The following CUBN variants were observed in gnomAD, a reference collection of about 807,000 sequenced individuals.
CUBN encodes the protein cubilin.
CUBN carries 282 observed loss-of-function variants against 405.3 expected under a neutral mutation model. That is an observed-to-expected ratio of 0.70 (90% CI 0.63 to 0.77). The LOEUF is 0.77. Ranked by LOEUF, CUBN falls within the 30% of genes least tolerant of loss-of-function variation. The pLI is 0.00. For missense variants in CUBN, 4,514 were observed against 4,475.2 expected (o/e 1.01, Z -0.25); for synonymous variants, 1,684 against 1,617.0 (o/e 1.04, Z -0.99).
chr10:16,971,314 T>C (rs1371044507), intron 31 of CUBN, among the ~76,000 whole-genome samples: 6 of 152,236 alleles, frequency 3.9e-5, no homozygotes, highest in African/African-American at 1.4e-4. Context: ...TCCATCTGGC[T>C]GTAAAGATAG....
At chr10:16,855,004 C>T (rs553683937) in intron 59 of CUBN, among the ~76,000 whole-genome samples, 21 of 134,696 alleles carry the variant, frequency 1.6e-4, no homozygotes, top group African/African-American at 5.6e-4. Flanking sequence ...TTCCTTTTTT[C>T]TCTCTCTCTC....
intron 62 of CUBN, among the ~76,000 whole-genome samples, chr10:16,839,266 G>C (rs1387635079): frequency 6.6e-6 from 1 of 152,134 alleles, no homozygotes; most frequent in Non-Finnish European, 1.5e-5. Flanking sequence ...GAGAGCTCTG[G>C]ACCTGCAGGA....
intron 48 of CUBN, among the ~76,000 whole-genome samples, chr10:16,911,949 G>A (rs1278516964): frequency 6.6e-6 from 1 of 152,126 alleles, no homozygotes; most frequent in Non-Finnish European, 1.5e-5. Context: ...AAGAAGAGAT[G>A]AGAAAATGAA....
At chr10:17,058,745 T>C (rs879085417) in intron 22 of CUBN, among the ~76,000 whole-genome samples, 3 of 152,112 alleles carry the variant, frequency 2.0e-5, no homozygotes, top group Admixed American at 2.0e-4. Flanking sequence ...ATAGTAATAC[T>C]GAAAAATATC....
Position 17,065,636 on chromosome 10 carries a change from T to C in CUBN, c.3011A>G (p.Tyr1004Cys). The C allele has an allele frequency of 1.9e-6, 3 of 1,613,362 alleles. No homozygotes were observed. The highest frequency in any genetic ancestry group is 1.1e-5 in the South Asian group (1 of 91,080). Residue 1004 changes from tyrosine to cysteine, a missense_variant and splice_region_variant, in exon 22 of 67, where the codon TAC becomes TGC. Tyr to Cys is a radical substitution (Grantham distance 194). Transcript: ENST00000377833. The part of the protein sequence containing the change: ...DTDSETSLGR[Y>C]CGKSIPPSLT... ...AGATGGCGGGATCGACTTTCCACAG[T>C]ATCTATTCCAAACCAAGAAAGGACA...
At chr10:17,033,092 T>C (rs1834819442) in intron 27 of CUBN, among the ~76,000 whole-genome samples, 1 of 152,164 alleles carries the variant, frequency 6.6e-6, no homozygotes, top group Admixed American at 6.5e-5. Flanking sequence ...GTGATTGTTT[T>C]AAAAGTGCAG....
intron 33 of CUBN, among the ~76,000 whole-genome samples, chr10:16,951,415 G>C (rs953561753): frequency 1.3e-5 from 2 of 152,218 alleles, no homozygotes; most frequent in Non-Finnish European, 2.9e-5. Flanking sequence ...ATTAGCTTAA[G>C]TGACTTCCCT....
rs772686889 is a variant in CUBN, at chr10:16,954,511, G to A, written c.4733C>T (p.Ala1578Val). The A allele has an allele frequency of 2.5e-6, 4 of 1,613,726 alleles. No individual in the cohort carries two copies. The Admixed American group carries it at 5.0e-5, about 20-fold the overall frequency. The change falls in exon 32 of 67, where the codon GCC (alanine) becomes GTC (valine). Residue 1578 changes from alanine (A) to valine (V), a missense_variant. This residue lies in a region of CUBN where 1,613 missense variants were observed against 1,542.8 expected (regional missense o/e 1.05). Coordinates refer to ENST00000377833, the MANE Select transcript of CUBN (RefSeq NM_001081.4). ...DGLSSTMSRL[A>V]RTCGREQLAN... ...CAGCTGCTCCCTTCCACACGTCCTG[G>A]CAAGGCGGGACATTGTGGAGCTTAA...
chr10:16,953,336 A>G (rs1231535601), intron 32 of CUBN, among the ~76,000 whole-genome samples: 2 of 152,312 alleles, frequency 1.3e-5, no homozygotes, highest in African/African-American at 4.8e-5. Context: ...GTCTTGCTCC[A>G]AAGTCTAAAG....
intron 31 of CUBN, among the ~76,000 whole-genome samples, chr10:16,972,646 A>G (rs56294995): frequency 0.23 from 34,825 of 151,568 alleles, 4,072 homozygotes; most frequent in Non-Finnish European, 0.25. Context: ...GGCTGGTGTC[A>G]AACTCCTGAG....
intron 60 of CUBN, among the ~76,000 whole-genome samples, chr10:16,849,462 G>A (rs573682785): frequency 1.3e-5 from 2 of 152,130 alleles, no homozygotes; most frequent in South Asian, 2.1e-4. Flanking sequence ...TCTTCTCACC[G>A]GAGCCCCGTT....
chr10:16,937,628 C>A lies in CUBN; in HGVS notation c.5890G>T (p.Asp1964Tyr). The change falls in exon 39 of 67, where the codon GAT becomes TAT. Residue 1964 changes from aspartate (D) to tyrosine (Y), a missense_variant. By Grantham distance (160) the Asp-to-Tyr change is radical (BLOSUM62 -3). Coordinates refer to ENST00000377833, the MANE Select transcript of CUBN (RefSeq NM_001081.4). Reference sequence around the variant, plus strand: ...GTAGGTAAAACACCATCAGGTGCATCCACTGCAAACCACTCCAGAAGGAAT... The same window carrying A: ...GTAGGTAAAACACCATCAGGTGCATACACTGCAAACCACTCCAGAAGGAAT... ...KGFLLEWFAV[D>Y]APDGVLPTIA... 6.2e-7 allele frequency: 1 copy of A among 1,613,992 alleles called. No homozygotes were observed.
At chr10:16,985,485 G>A (rs957213182) in intron 29 of CUBN, among the ~76,000 whole-genome samples, 2 of 152,126 alleles carry the variant, frequency 1.3e-5, no homozygotes, top group South Asian at 2.1e-4. Flanking sequence ...CTTCAAGTCC[G>A]TGTGTGACCT....
At position 17,125,834 on chromosome 10, in the gene CUBN, T is replaced by C. The variant is rs530642479; in HGVS notation, c.387+927A>G. 4.7e-4 allele frequency among the ~76,000 whole-genome samples: 72 copies of C among 152,310 alleles called. 1 individual carries two copies. The highest frequency in any genetic ancestry group is 1.7e-3 in the African/African-American group (70 of 41,576). On this transcript the variant is annotated intron_variant, in intron 4 of 66. Coordinates refer to ENST00000377833, the MANE Select transcript of CUBN (RefSeq NM_001081.4). Reference sequence around the variant, plus strand: ...GCAGTGTCACGGTCCACAGCACTATTCTTTACTCATTTTCTTTCGCTTAAC... The same window carrying C: ...GCAGTGTCACGGTCCACAGCACTATCCTTTACTCATTTTCTTTCGCTTAAC...
chr10:16,896,480 T>C (rs907098047), intron 54 of CUBN, among the ~76,000 whole-genome samples: 1 of 152,232 alleles, frequency 6.6e-6, no homozygotes, highest in Non-Finnish European at 1.5e-5. Flanking sequence ...TTGAAGAATA[T>C]ATTGTCAATT....
chr10:17,008,335 CGTGTGT>C (rs10678462), intron 28 of CUBN, among the ~76,000 whole-genome samples: 1 of 138,894 alleles, frequency 7.2e-6, no homozygotes, highest in Non-Finnish European at 1.5e-5. Flanking sequence ...AGTCCCTCCC[CGTGTGT>C]GTGTGTGTGT....
At position 16,829,009 on chromosome 10, in the gene CUBN, G is replaced by A. The variant is rs1192112974; in HGVS notation, c.10560C>T (p.Gly3520=). The part of the protein sequence containing the change: ...GCGGTLYGDR[G]SFTSPGYPGT... ...CTGGATAGCCGGGGCTGGTGAATGAGCCTCTGTCTCCATAAAGAGTTCCAC... is the reference window on the plus strand; with the variant it reads ...CTGGATAGCCGGGGCTGGTGAATGAACCTCTGTCTCCATAAAGAGTTCCAC... Residue 3520 remains glycine, a synonymous_variant, in exon 66 of 67, where the codon GGC becomes GGT. Transcript: ENST00000377833. 2 of 1,613,990 alleles carry A rather than the reference G, an allele frequency of 1.2e-6. No homozygotes were observed. The highest frequency in any genetic ancestry group is 1.7e-6 in the Non-Finnish European group (2 of 1,180,008).
chr10:16,901,425 C>G lies in CUBN; in HGVS notation c.8097G>C (p.Val2699=). The change falls in exon 52 of 67, where the codon GTG becomes GTC. Residue 2699 remains valine, a synonymous_variant. Coordinates refer to ENST00000377833, the MANE Select transcript of CUBN (RefSeq NM_001081.4). ...CATTTGGATAGTTGGGGCTTGTGAT[C>G]ACTCCACTGTCACCTATCTGTATTC... is the stretch of plus-strand genomic sequence containing the variant. ...CGGIQIGDSG[V]ITSPNYPNAY... 6.8e-6 allele frequency: 11 copies of G among 1,614,112 alleles called. No homozygotes were observed. Among genetic ancestry groups the G allele is most frequent in the Non-Finnish European group, 9.3e-6 (11 of 1,179,974 alleles).
At chr10:16,970,889 G>A (rs61841475) in intron 31 of CUBN, among the ~76,000 whole-genome samples, 33,510 of 151,940 alleles carry the variant, frequency 0.22, 3,984 homozygotes, top group African/African-American at 0.29. Context: ...AACAGCAAAC[G>A]AACTCTAAGC....
Sources: gnomAD v4.1 joint callset for allele counts (sites outside exome capture counted in the v4.1 genomes callset) on GRCh38, gnomAD v4.1.1 for gene constraint, gnomAD v4.1.1 regional missense constraint, MANE v1.5 for transcripts, NCBI Gene and HGNC (gene_info 2026-07-23, HGNC 2026-07-21) for gene names.